Variants in ZNF184 observed in about 807,000 individuals in gnomAD.
The protein encoded by ZNF184 is zinc finger protein 184, also known as zinc finger protein 184 (Kruppel-like).
A neutral mutation model predicts 54.4 loss-of-function variants in ZNF184; 16 were observed. That is an observed-to-expected ratio of 0.29 (90% CI 0.20 to 0.45). The LOEUF (loss-of-function observed/expected upper bound fraction) is 0.45, where lower values mean the gene tolerates loss of function less well. Ranked by LOEUF, ZNF184 falls within the 20% of genes least tolerant of loss-of-function variation. The pLI is 1.00. For synonymous variants in ZNF184, 254 were observed against 295.3 expected (o/e 0.86, Z 1.43); for missense variants, 681 against 888.2 (o/e 0.77, Z 2.97).
At chr6:27,459,288 T>C (rs1335258509) in intron 3 of ZNF184, among the ~76,000 whole-genome samples, 1 of 152,158 alleles carries the variant, frequency 6.6e-6, no homozygotes, top group African/African-American at 2.4e-5. Flanking sequence ...ATATGCTAAT[T>C]ATCCTGATTT....
At chr6:27,423,116 TCA>T in the ZNF184 span, among the ~76,000 whole-genome samples, 1 of 152,224 alleles carries the variant, frequency 6.6e-6, no homozygotes, top group Non-Finnish European at 1.5e-5. Context: ...GTACGCGGCC[TCA>T]GTCTGCGAAC....
the ZNF184 span, among the ~76,000 whole-genome samples, chr6:27,437,065 A>T: frequency 3.9e-5 from 6 of 152,216 alleles, no homozygotes; most frequent in Admixed American, 2.0e-4. Flanking sequence ...ATACAAGTGT[A>T]TGTCAATACT....
chr6:27,406,919 C>T, the ZNF184 span: 2 of 152,330 alleles, frequency 1.3e-5, no homozygotes, highest in African/African-American at 2.4e-5. Flanking sequence ...TAAAAGCATG[C>T]TGCATCTCAG....
chr6:27,422,134 G>A, the ZNF184 span, among the ~76,000 whole-genome samples: 2 of 46,880 alleles, frequency 4.3e-5, no homozygotes, highest in East Asian at 1.1e-3. Flanking sequence ...GGACGAGGCC[G>A]TACCTCAAAA....
At chr6:27,442,824 AAG>A in the ZNF184 span, among the ~76,000 whole-genome samples, 6 of 31,482 alleles carry the variant, frequency 1.9e-4, 1 homozygote, top group Non-Finnish European at 3.6e-4. Flanking sequence ...GAAAGAAAGA[AAG>A]AAAGAAAGAA....
chr6:27,452,152 A>C lies in ZNF184; in HGVS notation c.1407T>G (p.Thr469=). Residue 469 remains threonine, a synonymous_variant, in exon 6 of 6, where the codon ACT becomes ACG. Coordinates refer to ENST00000683788, the MANE Select transcript of ZNF184 (RefSeq NM_001318891.2). The surrounding 1 kb of genome is among the most constrained non-coding windows in gnomAD (Gnocchi z 5.5). ...SSLAQHLKIH[T]GEKPYKCNEC... is the part of the protein sequence containing the mutation. ...CATTGCATTTGTAAGGTTTTTCTCC[A>C]GTATGAATTTTCAGGTGTTGAGCAA... The C allele has an allele frequency of 6.2e-7, 1 of 1,614,128 alleles. No individual in the cohort carries two copies.
intron 3 of ZNF184, 58 bp downstream of exon 3, chr6:27,467,795 A>G: frequency 6.6e-7 from 1 of 1,521,750 alleles, no homozygotes; most frequent in South Asian, 1.2e-5. Flanking sequence ...AAAACAAAAC[A>G]AAAAACCACA....
At chr6:27,420,390 A>G in the ZNF184 span, among the ~76,000 whole-genome samples, 5 of 152,004 alleles carry the variant, frequency 3.3e-5, no homozygotes, top group Non-Finnish European at 5.9e-5. Context: ...CCTTACTCTC[A>G]CCATGACAGT....
At chr6:27,445,337 CT>C in the ZNF184 span, among the ~76,000 whole-genome samples, 1 of 152,130 alleles carries the variant, frequency 6.6e-6, no homozygotes. Context: ...GTAAAAAATG[CT>C]AGACACAAAT....
chr6:27,441,470 C>T, the ZNF184 span, among the ~76,000 whole-genome samples: 3 of 152,158 alleles, frequency 2.0e-5, no homozygotes, highest in South Asian at 2.1e-4. Flanking sequence ...CTGCCTTGGC[C>T]TCCCAAAGTG....
At chr6:27,407,556 A>G in the ZNF184 span, 1 of 461,106 alleles carries the variant, frequency 2.2e-6, no homozygotes, top group African/African-American at 2.0e-5. Flanking sequence ...CAGCAGGACA[A>G]TTATACCTTT....
chr6:27,460,133 C>T (rs1372965772), intron 3 of ZNF184, among the ~76,000 whole-genome samples: 2 of 152,080 alleles, frequency 1.3e-5, no homozygotes, highest in Non-Finnish European at 2.9e-5. Flanking sequence ...TACCACTGAA[C>T]TCTAGGGTAT....
the ZNF184 span, among the ~76,000 whole-genome samples, chr6:27,408,159 GAA>G: frequency 6.6e-6 from 1 of 152,188 alleles, no homozygotes; most frequent in Non-Finnish European, 1.5e-5. Flanking sequence ...CAAGAGAAAT[GAA>G]AGAGAGGAGA....
chr6:27,437,149 A>G, the ZNF184 span, among the ~76,000 whole-genome samples: 8 of 152,358 alleles, frequency 5.3e-5, no homozygotes, highest in African/African-American at 1.9e-4. Context: ...TATTACTTAC[A>G]TAATTATGCT....
chr6:27,431,418 C>T, the ZNF184 span, among the ~76,000 whole-genome samples: 1 of 152,310 alleles, frequency 6.6e-6, no homozygotes, highest in African/African-American at 2.4e-5. Context: ...AGATACATGT[C>T]TCTGACCTTT....
In ZNF184 at chr6:27,453,322, GAAT is replaced by G; in HGVS notation, c.299-65_299-63del. On this transcript the variant is annotated intron_variant, in intron 5 of 5. Coordinates refer to ENST00000683788, the MANE Select transcript of ZNF184 (RefSeq NM_001318891.2). This position sits in a 1 kb window ranked among gnomAD's most constrained non-coding sequence, Gnocchi z 4.7. ...GAGAAAAAATAAACTGCTATTGTGG[GAAT>G]AATATAATGATACTGAAAAATAAAT... is the stretch of plus-strand genomic sequence containing the variant. The G allele has an allele frequency of 7.0e-7, 1 of 1,427,014 alleles. No homozygotes were observed. Among genetic ancestry groups the G allele is most frequent in the South Asian group, 1.5e-5 (1 of 67,434 alleles). 88.4% of individuals were successfully genotyped at this position (1,427,014 alleles called of 1,614,324 possible).
At chr6:27,425,143 GC>G in the ZNF184 span, among the ~76,000 whole-genome samples, 1 of 152,186 alleles carries the variant, frequency 6.6e-6, no homozygotes. Flanking sequence ...CCAAGCCCAC[GC>G]CCTCCCGGAA....
chr6:27,418,055 C>A, the ZNF184 span, among the ~76,000 whole-genome samples: 1 of 152,176 alleles, frequency 6.6e-6, no homozygotes, highest in Admixed American at 6.5e-5. Context: ...GGACAACTCA[C>A]AATAGCAAAC....
the ZNF184 span, among the ~76,000 whole-genome samples, chr6:27,411,741 A>G: frequency 1.3e-5 from 2 of 152,366 alleles, no homozygotes; most frequent in Admixed American, 1.3e-4. Context: ...CTCACATTTA[A>G]GTAGAACATC....
Sources: allele counts gnomAD v4.1 joint callset (sites outside exome capture counted in the v4.1 genomes callset), GRCh38; gene constraint gnomAD v4.1.1; non-coding constraint Gnocchi (gnomAD v3.1); transcripts MANE v1.5; gene names NCBI Gene and HGNC (gene_info 2026-07-23, HGNC 2026-07-21).